TFG: variants seen among roughly 807,000 people sequenced by gnomAD.
TFG encodes protein TFG.
A neutral mutation model predicts 51.4 loss-of-function variants in TFG; 22 were observed. That is an observed-to-expected ratio of 0.43 (90% CI 0.31 to 0.61). The LOEUF is 0.61. Ranked by LOEUF, TFG falls within the 20% of genes least tolerant of loss-of-function variation. The probability of loss-of-function intolerance (pLI) is 0.12; values close to 1 mark genes in which losing one functional copy is unlikely to be tolerated. For missense variants in TFG, 419 were observed against 487.7 expected, an observed-to-expected ratio of 0.86 and a Z score of 1.33; for synonymous variants, 187 against 165.6, an observed-to-expected ratio of 1.13 and a Z score of -0.99.
chr3:100,748,232 C>G lies in TFG; in HGVS notation c.904C>G (p.Pro302Ala). 2 of 1,614,108 alleles carry G rather than the reference C, an allele frequency of 1.2e-6. No homozygotes were observed. The highest frequency in any genetic ancestry group is 2.2e-5 in the South Asian group (2 of 91,078). ...GCAACCAACTTCCCAGGCACCAGCT[C>G]CTGCCTTTTCTGGTCAGCCTCAACA... ...GQQPTSQAPA[P>A]AFSGQPQQLP... The change falls in exon 8 of 8, where the codon CCT becomes GCT. Residue 302 changes from proline (P) to alanine (A), a missense_variant. Coordinates refer to ENST00000240851, the MANE Select transcript of TFG (RefSeq NM_006070.6).
At chr3:100,741,917 A>G (rs2095122231) in intron 6 of TFG, among the ~76,000 whole-genome samples, 1 of 152,176 alleles carries the variant, frequency 6.6e-6, no homozygotes, top group Non-Finnish European at 1.5e-5. Context: ...GTAGTAGGCT[A>G]TATACATCTA....
intron 2 of TFG, among the ~76,000 whole-genome samples, chr3:100,717,323 T>C (rs2095048996): frequency 6.6e-6 from 1 of 152,210 alleles, no homozygotes; most frequent in Admixed American, 6.5e-5. Context: ...GTAGTATATT[T>C]TGAGGTCAGT....
chr3:100,710,649 G>A (rs7620552), intron 1 of TFG, among the ~76,000 whole-genome samples: 2,103 of 152,294 alleles, frequency 0.014, 44 homozygotes, highest in African/African-American at 0.049. Flanking sequence ...CAGGAGGCAG[G>A]CTTTTTATAT....
At chr3:100,726,751 C>T (rs577389897) in intron 3 of TFG, among the ~76,000 whole-genome samples, 1 of 152,182 alleles carries the variant, frequency 6.6e-6, no homozygotes, top group East Asian at 1.9e-4. Flanking sequence ...AATAGGATGT[C>T]TTACAAGTAT....
At chr3:100,743,310 A>G (rs984457033) in intron 6 of TFG, 6 of 152,124 alleles carry the variant, frequency 3.9e-5, no homozygotes, top group Admixed American at 1.3e-4. Flanking sequence ...TTAAGAGTTC[A>G]TTGTTATGTG....
chr3:100,724,296 A>C (rs1270062656), intron 3 of TFG, among the ~76,000 whole-genome samples: 1 of 152,184 alleles, frequency 6.6e-6, no homozygotes, highest in Non-Finnish European at 1.5e-5. Context: ...GCAGTTGGCA[A>C]ATCTTTATGA....
chr3:100,721,075 CAA>C lies in TFG; in HGVS notation c.268+1021_268+1022del, dbSNP rs548021591. ...ATAATCAGAATTTAAATGTTAATAA[CAA>C]AAACTGTTTAAAATTATTTAAAATA... On this transcript the variant is annotated intron_variant, in intron 3 of 7. Coordinates refer to ENST00000240851, the MANE Select transcript of TFG (RefSeq NM_006070.6). Among the ~76,000 whole-genome samples the C allele has an allele frequency of 2.2e-4, 33 of 152,008 alleles. No individual in the cohort carries two copies. The South Asian group carries it at 6.4e-3, about 30-fold the overall frequency.
At chr3:100,732,244 T>C (rs936384847) in intron 4 of TFG, among the ~76,000 whole-genome samples, 1 of 152,206 alleles carries the variant, frequency 6.6e-6, no homozygotes, top group African/African-American at 2.4e-5. Context: ...TTTTTTCATC[T>C]AATGTTTCTT....
intron 3 of TFG, among the ~76,000 whole-genome samples, chr3:100,723,125 A>C (rs1019267928): frequency 2.6e-5 from 4 of 152,234 alleles, no homozygotes; most frequent in African/African-American, 9.6e-5. Flanking sequence ...GGGAATAAAA[A>C]CAATTTGGGA....
intron 3 of TFG, among the ~76,000 whole-genome samples, chr3:100,723,223 T>C (rs1226918917): frequency 1.3e-5 from 2 of 152,164 alleles, no homozygotes; most frequent in Admixed American, 1.3e-4. Flanking sequence ...AACATTGTAA[T>C]TACCTTTAGA....
intron 3 of TFG, among the ~76,000 whole-genome samples, chr3:100,726,645 A>C (rs2095076728): frequency 6.6e-6 from 1 of 152,250 alleles, no homozygotes; most frequent in Non-Finnish European, 1.5e-5. Context: ...AAGATGTATC[A>C]GTGTGCTCCA....
chr3:100,732,963 A>G (rs1046921793), intron 5 of TFG, among the ~76,000 whole-genome samples: 10 of 152,174 alleles, frequency 6.6e-5, no homozygotes, highest in Non-Finnish European at 1.3e-4. Context: ...TTTGAAAGTA[A>G]AATTTAGAAA....
At chr3:100,723,860 C>T (rs1220073783) in intron 3 of TFG, among the ~76,000 whole-genome samples, 1 of 151,342 alleles carries the variant, frequency 6.6e-6, no homozygotes, top group Non-Finnish European at 1.5e-5. Context: ...ACTCATAGTG[C>T]ATTATAGAAG....
At chr3:100,747,599 G>A (rs2095142794) in intron 7 of TFG, 1 of 153,664 alleles carries the variant, frequency 6.5e-6, no homozygotes, top group Non-Finnish European at 1.4e-5. Context: ...GTACTGCTAA[G>A]TAAAAATTTT....
intron 2 of TFG, among the ~76,000 whole-genome samples, chr3:100,717,998 C>T (rs567732668): frequency 1.6e-4 from 25 of 152,222 alleles, no homozygotes; most frequent in African/African-American, 5.8e-4. Context: ...GATCATGGCT[C>T]ATTGAAGCCT....
chr3:100,736,799 AT>A, intron 6 of TFG, 83 bp downstream of exon 6: 1 of 1,443,136 alleles, frequency 6.9e-7, no homozygotes, highest in Non-Finnish European at 9.4e-7. Context: ...CACTTCATGT[AT>A]TTAGTCATGC....
At chr3:100,725,061 G>A (rs111616660) in intron 3 of TFG, among the ~76,000 whole-genome samples, 1,551 of 152,144 alleles carry the variant, frequency 0.01, 25 homozygotes, top group African/African-American at 0.036. Flanking sequence ...CTGCCACCAC[G>A]CCCGGCTAAT....
chr3:100,741,082 TTGATAA>T (rs1576376234), intron 6 of TFG, among the ~76,000 whole-genome samples: 1 of 152,190 alleles, frequency 6.6e-6, no homozygotes, highest in African/African-American at 2.4e-5. Context: ...TACCTAATAC[TTGATAA>T]TGATGATAGG....
chr3:100,740,701 A>G (rs537690704), intron 6 of TFG, among the ~76,000 whole-genome samples: 31 of 152,288 alleles, frequency 2.0e-4, no homozygotes, highest in Non-Finnish European at 3.8e-4. Context: ...GGGTCATGAT[A>G]GAGGTTGGCT....
Sources: gnomAD v4.1 joint callset for allele counts (sites outside exome capture counted in the v4.1 genomes callset) on GRCh38, gnomAD v4.1.1 for gene constraint, MANE v1.5 for transcripts, NCBI Gene and HGNC (gene_info 2026-07-23, HGNC 2026-07-21) for gene names.